The following FAM199X variants were observed in gnomAD, a reference collection of about 807,000 sequenced individuals.
FAM199X encodes family with sequence similarity 199, X-linked.
Under a neutral mutation model 22.9 loss-of-function variants are expected in FAM199X, and 4 were observed. The ratio of observed to expected loss-of-function variants is 0.17; its 90% confidence interval spans 0.09 to 0.40. The LOEUF is 0.40. FAM199X is among the 10% of genes least tolerant of loss of function. The pLI is 1.00. For synonymous variants in FAM199X, 101 were observed against 112.3 expected (o/e 0.90, Z 0.64); for missense variants, 183 against 306.8 (o/e 0.60, Z 3.01).
chrX:104,183,124 TC>T (rs782134165), intron 2 of FAM199X, among the ~76,000 whole-genome samples: 1 of 111,790 alleles, frequency 8.9e-6, no homozygotes, highest in East Asian at 2.8e-4. Flanking sequence ...GCAGATATTC[TC>T]CAAGATTTAG....
rs781803967 is a variant in FAM199X, at chrX:104,188,138, C to T, written c.828C>T (p.Ser276=). ...NFSCASTSGV[S]GASASASSSS... is the part of the protein sequence containing the mutation. Reference sequence around the variant, plus strand: ...GTTGTGCAAGCACCAGTGGAGTGAGCGGTGCCAGTGCCAGCGCCAGCAGCA... The same window carrying T: ...GTTGTGCAAGCACCAGTGGAGTGAGTGGTGCCAGTGCCAGCGCCAGCAGCA... The change falls in exon 5 of 6, where the codon AGC becomes AGT. Residue 276 remains serine (S), a synonymous_variant. Coordinates refer to ENST00000493442, the MANE Select transcript of FAM199X (RefSeq NM_207318.4). The T allele has an allele frequency of 1.4e-5, 17 of 1,209,719 alleles. No homozygotes were observed. Among genetic ancestry groups the T allele is most frequent in the Admixed American group, 1.1e-4 (5 of 45,696 alleles).
chrX:104,189,170 G>T (rs1455101835), intron 5 of FAM199X, among the ~76,000 whole-genome samples: 2 of 110,408 alleles, frequency 1.8e-5, no homozygotes, highest in Non-Finnish European at 3.8e-5. Flanking sequence ...TTTTTTACCT[G>T]CCATTGTAAG....
At chrX:104,166,058 A>G (rs981892170), upstream of FAM199X, among the ~76,000 whole-genome samples, 4 of 112,159 alleles carry the variant, frequency 3.6e-5, no homozygotes, top group Admixed American at 9.4e-5. Context: ...TGCTTGGACG[A>G]TTTCTCCTAC....
chrX:104,195,817 T>C lies in FAM199X; in HGVS notation c.*6039T>C, dbSNP rs1346736945. 1 of 110,570 alleles carries C rather than the reference T, an allele frequency of 9.0e-6. No individual in the cohort carries two copies. Among genetic ancestry groups the C allele is most frequent in the Non-Finnish European group, 1.9e-5 (1 of 52,791 alleles). The allele number at this position is 110,570 out of a possible 1,213,427, so 9.1% of individuals were successfully genotyped here. The stretch of plus-strand genomic sequence containing the variant: ...TTTTCATTTATTAGTCAAAGGTAAG[T>C]TAATTAAGCTTGTTTAATGATGCCA... On this transcript the variant is annotated 3_prime_UTR_variant, in exon 6 of 6. Transcript: ENST00000493442.
In FAM199X at chrX:104,189,770, T is replaced by G; in HGVS notation, c.1159T>G (p.Leu387Val). 8.3e-7 allele frequency: 1 copy of G among 1,210,295 alleles called. No individual in the cohort carries two copies. The highest frequency in any genetic ancestry group is 1.1e-6 in the Non-Finnish European group (1 of 894,828). Residue 387 changes from leucine (L) to valine (V), a missense_variant, in exon 6 of 6, where the codon TTG becomes GTG. Transcript: ENST00000493442. Reference protein sequence around the residue: ...EEDHEADVDVLM With the variant: ...EEDHEADVDVVM ...AGACCATGAAGCAGATGTTGATGTT[T>G]TGATGTAATAAGGGTGAATTTATCA...
chrX:104,157,181 T>C, the FAM199X span, among the ~76,000 whole-genome samples: 1 of 111,417 alleles, frequency 9.0e-6, no homozygotes, highest in Admixed American at 9.6e-5. Flanking sequence ...TAGTCATCTA[T>C]TGGAACATTT....
At chrX:104,164,654 G>A (rs1316189552), upstream of FAM199X, among the ~76,000 whole-genome samples, 1 of 111,189 alleles carries the variant, frequency 9.0e-6, no homozygotes, top group Non-Finnish European at 1.9e-5. Context: ...ACTGAGTTGG[G>A]TCAATCACTT....
In FAM199X at chrX:104,168,231, T is replaced by C. The variant is rs781865821; in HGVS notation, c.197+1249T>C. Among the ~76,000 whole-genome samples the C allele has an allele frequency of 2.7e-5, 3 of 112,520 alleles. No homozygotes were observed. In the South Asian group the frequency reaches 1.1e-3, roughly 41 times the overall value. ...GAAGTGGCAGTAAATTTATTATGAC[T>C]ACTCTAAATCGTCATTGCAAAAAAT... is the stretch of plus-strand genomic sequence containing the variant. On this transcript the variant is annotated intron_variant, in intron 1 of 5. Coordinates refer to ENST00000493442, the MANE Select transcript of FAM199X (RefSeq NM_207318.4).
At chrX:104,183,470 C>G (rs1360855762) in intron 2 of FAM199X, among the ~76,000 whole-genome samples, 1 of 109,216 alleles carries the variant, frequency 9.2e-6, no homozygotes, top group Non-Finnish European at 1.9e-5. Flanking sequence ...GTTTTGTTTT[C>G]TTTTGTTTTT....
intron 1 of FAM199X, among the ~76,000 whole-genome samples, chrX:104,173,303 A>C (rs935875407): frequency 1.2e-4 from 14 of 112,082 alleles, no homozygotes; most frequent in Admixed American, 3.8e-4. Context: ...CATGTGATGA[A>C]AGTAATATTA....
intron 5 of FAM199X, 117 bp from the exon 6 acceptor site, chrX:104,189,491 C>T (rs1921885698): frequency 2.8e-6 from 2 of 722,205 alleles, no homozygotes; most frequent in Admixed American, 4.8e-5. Context: ...GATCATACTA[C>T]AGAAGGATTT....
chrX:104,193,911 A>G lies in FAM199X; in HGVS notation c.*4133A>G, dbSNP rs1921998623. On this transcript the variant is annotated 3_prime_UTR_variant, in exon 6 of 6. Coordinates refer to ENST00000493442, the MANE Select transcript of FAM199X (RefSeq NM_207318.4). ...CGGAACATAACTACTTATAATGCTT[A>G]GGTCTTATTTCTTTGGAAAATAAGT... is the stretch of plus-strand genomic sequence containing the variant. 1 of 111,739 alleles carries G rather than the reference A, an allele frequency of 8.9e-6. No homozygotes were observed. Among genetic ancestry groups the G allele is most frequent in the Non-Finnish European group, 1.9e-5 (1 of 52,983 alleles). The allele number at this position is 111,739 out of a possible 1,213,427, so 9.2% of individuals were successfully genotyped here.
the FAM199X span, chrX:104,157,121 C>G: frequency 9.1e-6 from 1 of 110,198 alleles, no homozygotes; most frequent in African/African-American, 3.3e-5. Context: ...AGCCAGGCGA[C>G]TAATCTGGTA....
upstream of FAM199X, among the ~76,000 whole-genome samples, chrX:104,161,883 A>C (rs1368646741): frequency 5.4e-5 from 6 of 111,563 alleles, no homozygotes; most frequent in Admixed American, 5.7e-4. Context: ...ATATGAGGAC[A>C]AATATAAAAA....
chrX:104,195,539 T>A lies in FAM199X; in HGVS notation c.*5761T>A, dbSNP rs1922041682. 9.0e-6 allele frequency: 1 copy of A among 111,601 alleles called. No homozygotes were observed. The highest frequency in any genetic ancestry group is 1.9e-5 in the Non-Finnish European group (1 of 53,099). The allele number at this position is 111,601 out of a possible 1,213,427, so 9.2% of individuals were successfully genotyped here. A position where few individuals can be genotyped will look rare whatever the true frequency, so the allele number is the denominator to read the frequency against. ...ATTACTGGGCAGTAGGTCTAATTTT[T>A]TTTGACAAAAAATAGATCTATTTTC... On this transcript the variant is annotated 3_prime_UTR_variant, in exon 6 of 6. Coordinates refer to ENST00000493442, the MANE Select transcript of FAM199X (RefSeq NM_207318.4).
chrX:104,165,214 A>G (rs782500116), upstream of FAM199X, among the ~76,000 whole-genome samples: 10 of 112,757 alleles, frequency 8.9e-5, no homozygotes, highest in South Asian at 3.6e-4. Flanking sequence ...TGCAATCTCA[A>G]TGAAAGAAAG....
chrX:104,176,574 GATTGAATATT>G (rs1921496649), intron 2 of FAM199X, among the ~76,000 whole-genome samples: 2 of 112,360 alleles, frequency 1.8e-5, no homozygotes, highest in Admixed American at 1.9e-4. Flanking sequence ...CCAAAAGAGG[GATTGAATATT>G]ATAATTTCAA....
chrX:104,176,134 A>C (rs1556376408), intron 2 of FAM199X, among the ~76,000 whole-genome samples: 1 of 111,958 alleles, frequency 8.9e-6, no homozygotes, highest in East Asian at 2.8e-4. Flanking sequence ...ATCCAAGCAA[A>C]GTTACACTTC....
chrX:104,175,627 A>G lies in FAM199X; in HGVS notation c.202A>G (p.Asn68Asp). 8.3e-7 allele frequency: 1 copy of G among 1,207,663 alleles called. No homozygotes were observed. Among genetic ancestry groups the G allele is most frequent in the Non-Finnish European group, 1.1e-6 (1 of 893,295 alleles). ...TTTCGTGTTGTGTTTTTGAAGGTGGAACCTAACTTCTTGTGGAACAAGTGT... is the reference window on the plus strand; with the variant it reads ...TTTCGTGTTGTGTTTTTGAAGGTGGGACCTAACTTCTTGTGGAACAAGTGT... ...PLHRFHTNRW[N>D]LTSCGTSVAS... Residue 68 changes from asparagine to aspartate, a missense_variant, in exon 2 of 6, where the codon AAC (asparagine) becomes GAC (aspartate). Physicochemically the swap from Asn to Asp is conservative, Grantham distance 23. Coordinates refer to ENST00000493442, the MANE Select transcript of FAM199X (RefSeq NM_207318.4).
Sources: allele counts gnomAD v4.1 joint callset (sites outside exome capture counted in the v4.1 genomes callset), GRCh38; gene constraint gnomAD v4.1.1; transcripts MANE v1.5; gene names NCBI Gene and HGNC (gene_info 2026-07-23, HGNC 2026-07-21).